The following ZNF469 variants were observed in gnomAD, a reference collection of about 807,000 sequenced individuals.
ZNF469 encodes the protein zinc finger protein 469.
In ZNF469, 1 loss-of-function variant was observed where a neutral mutation model predicts 1.0. The observed-to-expected ratio is 1.00, with a 90% CI of 0.35 to 4.73. ZNF469 has a LOEUF of 4.73. Ranked by LOEUF, ZNF469 falls within the 30% of genes most tolerant of loss-of-function variation. The pLI, the probability that ZNF469 is intolerant of heterozygous loss-of-function variation, is 0.16. For synonymous variants in ZNF469, 2,703 were observed against 2,363.4 expected, an observed-to-expected ratio of 1.14 and a Z score of -4.17; for missense variants, 6,100 against 5,356.3, an observed-to-expected ratio of 1.14 and a Z score of -4.33.
chr16:88,373,021 C>T, the ZNF469 span, among the ~76,000 whole-genome samples: 15,118 of 152,304 alleles, frequency 0.099, 818 homozygotes, highest in Middle Eastern at 0.17. Context: ...TCACCATCAT[C>T]GCCATCATCC....
chr16:88,244,876 C>G, the ZNF469 span, among the ~76,000 whole-genome samples: 12 of 151,806 alleles, frequency 7.9e-5, no homozygotes, highest in South Asian at 2.5e-3. Context: ...TTATGGTCCC[C>G]AGGAGATGTG....
the ZNF469 span, among the ~76,000 whole-genome samples, chr16:88,239,666 TGTATATATATATATATA>T: frequency 2.2e-4 from 9 of 40,596 alleles, no homozygotes; most frequent in African/African-American, 8.3e-4. Flanking sequence ...TTTTTTTTTT[TGTATATATATATATATA>T]TATATATATA....
chr16:88,148,400 C>T, the ZNF469 span, among the ~76,000 whole-genome samples: 5 of 152,174 alleles, frequency 3.3e-5, no homozygotes, highest in African/African-American at 9.7e-5. Flanking sequence ...CCAAGGAGAG[C>T]GGAGTTGGCC....
chr16:88,419,562 G>A (rs1905395333), intron 1 of ZNF469, among the ~76,000 whole-genome samples: 1 of 152,094 alleles, frequency 6.6e-6, no homozygotes, highest in African/African-American at 2.4e-5. Context: ...GGGACAGGTG[G>A]GGCCCTGGGA....
the ZNF469 span, among the ~76,000 whole-genome samples, chr16:88,280,266 G>T: frequency 6.6e-6 from 1 of 151,790 alleles, no homozygotes; most frequent in African/African-American, 2.4e-5. Context: ...GTAGATATCA[G>T]TGCACGGTTA....
the ZNF469 span, among the ~76,000 whole-genome samples, chr16:88,359,369 A>C: frequency 7.4e-5 from 10 of 135,660 alleles, no homozygotes; most frequent in East Asian, 2.2e-4. Flanking sequence ...GGTATCCTGC[A>C]CGCATTTGCT....
chr16:88,376,015 C>A, the ZNF469 span, among the ~76,000 whole-genome samples: 1 of 152,200 alleles, frequency 6.6e-6, no homozygotes, highest in African/African-American at 2.4e-5. Context: ...TTGGAAGATT[C>A]AGTGGCCAGG....
At chr16:88,383,620 C>T (rs2092530855) in intron 1 of ZNF469, among the ~76,000 whole-genome samples, 1 of 150,542 alleles carries the variant, frequency 6.6e-6, no homozygotes, top group South Asian at 2.1e-4. Context: ...GCGGGACCTC[C>T]GGGCGGGGCT....
At chr16:88,229,600 C>CACGCGTGTGGATGTA in the ZNF469 span, among the ~76,000 whole-genome samples, 3 of 62,976 alleles carry the variant, frequency 4.8e-5, no homozygotes, top group East Asian at 3.9e-4. Flanking sequence ...GTGTGGATGT[C>CACGCGTGTGGATGTA]ACGCGTGTGT....
chr16:88,243,433 G>C, the ZNF469 span, among the ~76,000 whole-genome samples: 1 of 152,142 alleles, frequency 6.6e-6, no homozygotes, highest in Non-Finnish European at 1.5e-5. Context: ...GATTCTCCAG[G>C]CACAGAGCGT....
chr16:88,233,661 GACTCTCCC>G, the ZNF469 span, among the ~76,000 whole-genome samples: 4 of 152,234 alleles, frequency 2.6e-5, no homozygotes, highest in African/African-American at 9.6e-5. Context: ...TCAGCCCCAT[GACTCTCCC>G]ACTCTCCCAC....
At chr16:88,253,385 T>G in the ZNF469 span, among the ~76,000 whole-genome samples, 1 of 152,054 alleles carries the variant, frequency 6.6e-6, no homozygotes, top group Non-Finnish European at 1.5e-5. Context: ...CTTTTAGCTC[T>G]TTTAGTGAGC....
intron 1 of ZNF469, among the ~76,000 whole-genome samples, chr16:88,416,774 G>A (rs898630909): frequency 3.3e-5 from 5 of 152,144 alleles, no homozygotes; most frequent in Admixed American, 2.0e-4. Flanking sequence ...CGCACCCTTC[G>A]CCCTTCCAGG....
the ZNF469 span, among the ~76,000 whole-genome samples, chr16:88,322,212 C>T: frequency 2.0e-5 from 3 of 152,230 alleles, no homozygotes; most frequent in African/African-American, 4.8e-5. Flanking sequence ...GTGTCAGAGC[C>T]GGGGGCGCTT....
chr16:88,267,008 A>T, the ZNF469 span, among the ~76,000 whole-genome samples: 1 of 152,260 alleles, frequency 6.6e-6, no homozygotes, highest in Non-Finnish European at 1.5e-5. Context: ...GCCCCCGCCA[A>T]GTCCTCGGGA....
the ZNF469 span, among the ~76,000 whole-genome samples, chr16:88,144,498 G>T: frequency 1.7e-3 from 263 of 152,310 alleles, 1 homozygote; most frequent in African/African-American, 6.1e-3. Context: ...CCCGTGACAC[G>T]TGACATTTAA....
At chr16:88,234,927 G>A in the ZNF469 span, 1 of 152,058 alleles carries the variant, frequency 6.6e-6, no homozygotes, top group Non-Finnish European at 1.5e-5. Context: ...TTGGCCCTGG[G>A]AAGGGTGTGA....
chr16:88,219,065 T>A, the ZNF469 span, among the ~76,000 whole-genome samples: 2 of 149,648 alleles, frequency 1.3e-5, no homozygotes, highest in Admixed American at 1.3e-4. Flanking sequence ...TGACAAGGGA[T>A]GTGAAGGACC....
chr16:88,153,668 G>C, the ZNF469 span, among the ~76,000 whole-genome samples: 1 of 152,246 alleles, frequency 6.6e-6, no homozygotes, highest in African/African-American at 2.4e-5. Context: ...ACAGCCCCGG[G>C]TGCCTGAGGC....
Sources: allele counts gnomAD v4.1 joint callset (sites outside exome capture counted in the v4.1 genomes callset), GRCh38; gene constraint gnomAD v4.1.1; transcripts MANE v1.5; gene names NCBI Gene and HGNC (gene_info 2026-07-23, HGNC 2026-07-21).